KLHL32: variants seen among roughly 807,000 people sequenced by gnomAD.
The protein encoded by KLHL32 is kelch-like protein 32.
In KLHL32, 35 loss-of-function variants were observed where a neutral mutation model predicts 64.8. The ratio of observed to expected loss-of-function variants is 0.54; its 90% confidence interval spans 0.41 to 0.72. KLHL32 has a LOEUF of 0.72. Among genes scored for constraint, KLHL32 ranks in the 30% least tolerant of loss-of-function variants. KLHL32 has a pLI of 0.00. For synonymous variants in KLHL32, 259 were observed against 281.0 expected, an observed-to-expected ratio of 0.92 and a Z score of 0.78; for missense variants, 589 against 768.5, an observed-to-expected ratio of 0.77 and a Z score of 2.76.
At chr6:96,964,018 C>T (rs7743034) in intron 1 of KLHL32, among the ~76,000 whole-genome samples, 64,897 of 152,060 alleles carry the variant, frequency 0.43, 14,064 homozygotes, top group South Asian at 0.54. Flanking sequence ...TAGCACTCCC[C>T]TGGGGTTTGT....
intron 6 of KLHL32, among the ~76,000 whole-genome samples, chr6:97,107,444 T>C (rs1020252615): frequency 3.0e-4 from 45 of 152,248 alleles, no homozygotes; most frequent in Non-Finnish European, 5.1e-4. Flanking sequence ...TTTCTGCTAA[T>C]TCATTGTATG....
intron 3 of KLHL32, among the ~76,000 whole-genome samples, chr6:96,995,759 T>G: frequency 6.6e-6 from 1 of 152,238 alleles, no homozygotes; most frequent in East Asian, 1.9e-4. Flanking sequence ...ATGTCTCTCA[T>G]GAAGCCCTAT....
the KLHL32 span, among the ~76,000 whole-genome samples, chr6:96,902,428 A>G: frequency 6.6e-6 from 1 of 152,018 alleles, no homozygotes; most frequent in Non-Finnish European, 1.5e-5. Flanking sequence ...TGTTCTTTGC[A>G]TACTTTTTAA....
At chr6:96,988,992 A>G (rs1178216120) in intron 3 of KLHL32, among the ~76,000 whole-genome samples, 7 of 152,214 alleles carry the variant, frequency 4.6e-5, no homozygotes, top group Admixed American at 4.6e-4. Flanking sequence ...ATTAGGAGAT[A>G]TACCTAATGT....
At chr6:96,972,498 T>G (rs1260352272) in intron 2 of KLHL32, among the ~76,000 whole-genome samples, 1 of 152,200 alleles carries the variant, frequency 6.6e-6, no homozygotes, top group African/African-American at 2.4e-5. Context: ...AGGGCATCCC[T>G]CAGAGAAAGA....
chr6:97,006,459 T>C (rs1779679256), intron 3 of KLHL32, among the ~76,000 whole-genome samples: 1 of 152,208 alleles, frequency 6.6e-6, no homozygotes. Flanking sequence ...TGCTTCTTTA[T>C]CCAAGTTGAC....
chr6:96,942,919 C>G (rs554702714), intron 1 of KLHL32, among the ~76,000 whole-genome samples: 37 of 152,188 alleles, frequency 2.4e-4, no homozygotes, highest in African/African-American at 8.9e-4. Context: ...GTTCACCTCT[C>G]TCTTGCCCAC....
At chr6:97,018,598 C>T (rs1781558728) in intron 3 of KLHL32, among the ~76,000 whole-genome samples, 1 of 129,390 alleles carries the variant, frequency 7.7e-6, no homozygotes, top group African/African-American at 3.0e-5. Context: ...AAGACTCAGT[C>T]TCAAAAAAAA....
chr6:97,007,965 A>G (rs1779876790), intron 3 of KLHL32, among the ~76,000 whole-genome samples: 1 of 152,242 alleles, frequency 6.6e-6, no homozygotes, highest in Non-Finnish European at 1.5e-5. Flanking sequence ...TCGCTTGCAC[A>G]TGCCAGCGAT....
intron 4 of KLHL32, among the ~76,000 whole-genome samples, chr6:97,050,846 T>TA (rs952778581): frequency 1.1e-4 from 17 of 151,238 alleles, no homozygotes; most frequent in Non-Finnish European, 1.6e-4. Context: ...CTACTAAAAA[T>TA]AAAAAAAATA....
intron 3 of KLHL32, among the ~76,000 whole-genome samples, chr6:96,994,310 C>A (rs927562561): frequency 2.6e-5 from 4 of 152,024 alleles, no homozygotes; most frequent in African/African-American, 9.7e-5. Flanking sequence ...CATAAAGGCT[C>A]AATAAATATT....
intron 6 of KLHL32, among the ~76,000 whole-genome samples, chr6:97,095,649 C>G (rs1233977312): frequency 6.6e-6 from 1 of 152,142 alleles, no homozygotes; most frequent in African/African-American, 2.4e-5. Flanking sequence ...CCTTAAAAAG[C>G]CAACACCACA....
intron 7 of KLHL32, among the ~76,000 whole-genome samples, chr6:97,116,667 A>G (rs985231733): frequency 6.6e-6 from 1 of 152,198 alleles, no homozygotes; most frequent in Non-Finnish European, 1.5e-5. Context: ...AGATATGACG[A>G]TTTAATACCT....
At chr6:96,922,273 A>T (rs954898219), upstream of KLHL32, among the ~76,000 whole-genome samples, 28 of 152,158 alleles carry the variant, frequency 1.8e-4, no homozygotes, top group African/African-American at 6.8e-4. Context: ...AGAGCAATCA[A>T]TTGGGACTCA....
In KLHL32 at chr6:97,050,015, A is replaced by G. The variant is rs145412269; in HGVS notation, c.312+8416A>G. ...GCTTCACGCCAGTCTGTTCTCCTTT[A>G]TTAAATTTCTCTGTGCTATCCAGTC... On this transcript the variant is annotated intron_variant, in intron 4 of 10. Transcript: ENST00000369261. Among the ~76,000 whole-genome samples, 551 of 152,218 alleles carry G rather than the reference A, an allele frequency of 3.6e-3. 2 individuals carry two copies. The highest frequency in any genetic ancestry group is 0.013 in the African/African-American group (520 of 41,522).
chr6:96,975,468 C>T (rs534118607), intron 2 of KLHL32, among the ~76,000 whole-genome samples: 1 of 152,248 alleles, frequency 6.6e-6, no homozygotes, highest in African/African-American at 2.4e-5. Context: ...TCATTTGCAG[C>T]CCTTTTTGTC....
At chr6:97,093,478 T>G (rs939283203) in intron 6 of KLHL32, among the ~76,000 whole-genome samples, 6 of 152,340 alleles carry the variant, frequency 3.9e-5, no homozygotes, top group African/African-American at 1.4e-4. Flanking sequence ...TCTCTTGAAA[T>G]ACACCAACTC....
chr6:97,107,020 C>T (rs1359791581), intron 6 of KLHL32, among the ~76,000 whole-genome samples: 3 of 151,970 alleles, frequency 2.0e-5, no homozygotes, highest in Admixed American at 6.6e-5. Context: ...GGGCTGAGCG[C>T]GGTGGCTCAC....
At chr6:97,047,659 G>GCA (rs1196961753) in intron 4 of KLHL32, among the ~76,000 whole-genome samples, 4 of 152,166 alleles carry the variant, frequency 2.6e-5, no homozygotes, top group African/African-American at 7.2e-5. Flanking sequence ...AGTAGAAGAG[G>GCA]TATGAGGAAG....
Sources: allele counts gnomAD v4.1 joint callset (sites outside exome capture counted in the v4.1 genomes callset), GRCh38; gene constraint gnomAD v4.1.1; transcripts MANE v1.5; gene names NCBI Gene and HGNC (gene_info 2026-07-23, HGNC 2026-07-21).